Variants in NEK8 observed in about 807,000 individuals in gnomAD.
The protein encoded by NEK8 is serine/threonine-protein kinase Nek8.
In NEK8, 51 loss-of-function variants were observed where a neutral mutation model predicts 77.2. That is an observed-to-expected ratio of 0.66 (90% CI 0.53 to 0.83). The LOEUF (loss-of-function observed/expected upper bound fraction) is 0.83, where lower values mean the gene tolerates loss of function less well. Ranked by LOEUF, NEK8 falls within the 40% of genes least tolerant of loss-of-function variation. The probability of loss-of-function intolerance (pLI) is 0.00; values close to 1 mark genes in which losing one functional copy is unlikely to be tolerated. For synonymous variants in NEK8, 365 were observed against 363.2 expected, an observed-to-expected ratio of 1.00 and a Z score of -0.06; for missense variants, 787 against 909.2, an observed-to-expected ratio of 0.87 and a Z score of 1.73.
rs2034413701 is a variant in NEK8, at chr17:28,740,862, G to A, written c.1609G>A (p.Glu537Lys). 2 of 1,614,072 alleles carry A rather than the reference G, an allele frequency of 1.2e-6. No individual in the cohort carries two copies. Among genetic ancestry groups the A allele is most frequent in the Non-Finnish European group, 1.7e-6 (2 of 1,180,016 alleles). ...CCTGGACCACCTCTCCCTGGGGGAG[G>A]AGCCTGTCCCCCACCAGCAAGTGGA... ...LGLDHLSLGE[E>K]PVPHQQVEEA... Residue 537 changes from glutamate to lysine, a missense_variant, in exon 12 of 15, where the codon GAG becomes AAG. Transcript: ENST00000268766. This position sits in a 1 kb window ranked among gnomAD's most constrained non-coding sequence, Gnocchi z 4.7.
chr17:28,734,036 A>G lies in NEK8; in HGVS notation c.101A>G (p.Gln34Arg). ...KADQKLVIIK[Q>R]IPVEQMTKEE... ...GACCAGAAGCTGGTGATCATCAAGC[A>G]GATTCCAGTGGAACAGATGACCAAG... is the stretch of plus-strand genomic sequence containing the variant. The change falls in exon 2 of 15, where the codon CAG becomes CGG. Residue 34 changes from glutamine (Q) to arginine (R), a missense_variant. By Grantham distance (43) the Gln-to-Arg change is conservative. Around this residue, in one of 2 missense-constraint regions of NEK8, gnomAD observed 271 missense variants for 365.1 expected, o/e 0.74. Transcript: ENST00000268766. 1.2e-6 allele frequency: 2 copies of G among 1,614,270 alleles called. No homozygotes were observed. The highest frequency in any genetic ancestry group is 8.5e-7 in the Non-Finnish European group (1 of 1,180,044).
In NEK8 at chr17:28,737,728, G is replaced by T. The variant is rs762967348; in HGVS notation, c.881G>T (p.Arg294Leu). ...SNTGSRTTSV[R>L]CRGIPRGPVR... The stretch of plus-strand genomic sequence containing the variant: ...ACAGGGAGCAGGACCACCAGTGTCC[G>T]CTGCAGAGGTAAGTGGGAAGAGGCC... Residue 294 changes from arginine to leucine, a missense_variant, in exon 6 of 15, where the codon CGC becomes CTC. Physicochemically the swap from Arg to Leu is moderately radical, Grantham distance 102. Transcript: ENST00000268766. The surrounding 1 kb of genome is among the most constrained non-coding windows in gnomAD (Gnocchi z 4.8). 16 of 1,613,988 alleles carry T rather than the reference G, an allele frequency of 9.9e-6. No homozygotes were observed. The highest frequency in any genetic ancestry group is 1.7e-6 in the Non-Finnish European group (2 of 1,180,012).
At position 28,742,556 on chromosome 17, in the gene NEK8, A is replaced by C. The variant is rs2034435565; in HGVS notation, c.*569A>C. ...CGACAGAACCAGACTCCGTCTCAAA[A>C]AAAAAAAAAAAACAAAAAAGGCTGA... On this transcript the variant is annotated 3_prime_UTR_variant, in exon 15 of 15. Coordinates refer to ENST00000268766, the MANE Select transcript of NEK8 (RefSeq NM_178170.3). 6.1e-6 allele frequency: 1 copy of C among 163,638 alleles called. No homozygotes were observed. The highest frequency in any genetic ancestry group is 2.4e-5 in the African/African-American group (1 of 41,342). 10.1% of individuals were successfully genotyped at this position (163,638 alleles called of 1,614,324 possible).
chr17:28,740,976 G>A lies in NEK8; in HGVS notation c.1723G>A (p.Ala575Thr), dbSNP rs745898957. Reference sequence around the variant, plus strand: ...AGACCTGGGCACTGCTCACTCAGCTGCTGTGACTGGTGAGGAGGACTTGGG... The same window carrying A: ...AGACCTGGGCACTGCTCACTCAGCTACTGTGACTGGTGAGGAGGACTTGGG... ...SIDLGTAHSA[A>T]VTASGDCYTF... The change falls in exon 12 of 15, where the codon GCT becomes ACT. Residue 575 changes from alanine (A) to threonine (T), a missense_variant. Physicochemically the swap from Ala to Thr is moderately conservative, Grantham distance 58. Transcript: ENST00000268766. This position sits in a 1 kb window ranked among gnomAD's most constrained non-coding sequence, Gnocchi z 4.7. The A allele has an allele frequency of 6.2e-7, 1 of 1,614,154 alleles. No individual in the cohort carries two copies. The highest frequency in any genetic ancestry group is 8.5e-7 in the Non-Finnish European group (1 of 1,180,044).
At chr17:28,731,191 T>C (rs1326175705) in intron 1 of NEK8, among the ~76,000 whole-genome samples, 2 of 151,858 alleles carry the variant, frequency 1.3e-5, no homozygotes, top group African/African-American at 4.8e-5. Flanking sequence ...GAGCTGAGAC[T>C]GTGCCATTGC....
Position 28,740,951 on chromosome 17 carries a change from A to G in NEK8, c.1698A>G (p.Ile566Met), listed in dbSNP as rs1289510704. 1 of 1,614,130 alleles carries G rather than the reference A, an allele frequency of 6.2e-7. No homozygotes were observed. Among genetic ancestry groups the G allele is most frequent in the Non-Finnish European group, 8.5e-7 (1 of 1,180,016 alleles). ...APLDQEPLLS[I>M]DLGTAHSAAV... is the part of the protein sequence containing the mutation. ...TGGACCAGGAGCCTCTGCTGAGTAT[A>G]GACCTGGGCACTGCTCACTCAGCTG... The change falls in exon 12 of 15, where the codon ATA (isoleucine) becomes ATG (methionine). Residue 566 changes from isoleucine to methionine, a missense_variant. Ile to Met is a conservative substitution (Grantham distance 10, BLOSUM62 1). Around this residue, in one of 2 missense-constraint regions of NEK8, gnomAD observed 516 missense variants for 544.0 expected, o/e 0.95. Transcript: ENST00000268766. This position sits in a 1 kb window ranked among gnomAD's most constrained non-coding sequence, Gnocchi z 4.7.
rs2034381200 is a variant in NEK8, at chr17:28,737,850, C to G, written c.921C>G (p.Ile307Met). Residue 307 changes from isoleucine to methionine, a missense_variant, in exon 7 of 15, where the codon ATC becomes ATG. Ile to Met is a conservative substitution (Grantham distance 10, BLOSUM62 1). Coordinates refer to ENST00000268766, the MANE Select transcript of NEK8 (RefSeq NM_178170.3). The surrounding 1 kb of genome is among the most constrained non-coding windows in gnomAD (Gnocchi z 4.8). ...CCCGGGGACCTGTGAGGCCAGCCAT[C>G]CCACCACCACTGTCGTCAGTGTATG... ...GIPRGPVRPA[I>M]PPPLSSVYAW... The G allele has an allele frequency of 1.2e-6, 2 of 1,613,838 alleles. No homozygotes were observed. The highest frequency in any genetic ancestry group is 1.7e-6 in the Non-Finnish European group (2 of 1,180,022).
Position 28,737,174 on chromosome 17 carries a change from C to G in NEK8, c.619-132C>G. On this transcript the variant is annotated intron_variant, in intron 4 of 14. Transcript: ENST00000268766. This position sits in a 1 kb window ranked among gnomAD's most constrained non-coding sequence, Gnocchi z 4.8. The stretch of plus-strand genomic sequence containing the variant: ...TACCATGCTGTTTTGGTTACTGTAG[C>G]CTTGTAGTATAGTTTGAAGTCAGGT... 3.4e-6 allele frequency: 3 copies of G among 886,158 alleles called. No individual in the cohort carries two copies. Among genetic ancestry groups the G allele is most frequent in the South Asian group, 2.9e-5 (2 of 70,162 alleles). 54.9% of individuals were successfully genotyped at this position (886,158 alleles called of 1,614,324 possible).
Position 28,741,575 on chromosome 17 carries a change from A to C in NEK8, c.2050+4A>C, listed in dbSNP as rs2034423864. 6.2e-6 allele frequency: 10 copies of C among 1,613,830 alleles called. No homozygotes were observed. The highest frequency in any genetic ancestry group is 8.5e-6 in the Non-Finnish European group (10 of 1,180,008). On this transcript the variant is annotated splice_donor_region_variant and intron_variant, in intron 14 of 14. Coordinates refer to ENST00000268766, the MANE Select transcript of NEK8 (RefSeq NM_178170.3). The surrounding 1 kb of genome is among the most constrained non-coding windows in gnomAD (Gnocchi z 4.5). ...AACACCCTCCTGGCTGTTCGATGTG[A>C]GTTGTAACTTTTCCCACTTCACCAC...
At position 28,738,008 on chromosome 17, in the gene NEK8, G is replaced by A. The variant is rs569568989; in HGVS notation, c.1071+8G>A. 2 of 1,612,686 alleles carry A rather than the reference G, an allele frequency of 1.2e-6. No individual in the cohort carries two copies. Among genetic ancestry groups the A allele is most frequent in the South Asian group, 2.2e-5 (2 of 91,048 alleles). On this transcript the variant is annotated splice_region_variant and intron_variant, in intron 7 of 14. Coordinates refer to ENST00000268766, the MANE Select transcript of NEK8 (RefSeq NM_178170.3). ...CGTCTCATCCTGTGGGAGGTGAGCA[G>A]GCCAGGGGGTGGCCTGGATGGGTGG... is the stretch of plus-strand genomic sequence containing the variant.
chr17:28,732,061 G>C (rs1387769454), intron 1 of NEK8, among the ~76,000 whole-genome samples: 1 of 150,752 alleles, frequency 6.6e-6, no homozygotes, highest in Non-Finnish European at 1.5e-5. Flanking sequence ...CTCCCGAGTA[G>C]CTGGGACTAC....
rs555501870 is a variant in NEK8 at position 28,735,362 on chromosome 17, C to T, written c.609C>T (p.Phe203=). The T allele has an allele frequency of 2.3e-5, 37 of 1,613,672 alleles. No individual in the cohort carries two copies. The highest frequency in any genetic ancestry group is 9.3e-5 in the African/African-American group (7 of 75,054). The change falls in exon 4 of 15, where the codon TTC becomes TTT. Residue 203 remains phenylalanine, a synonymous_variant. Coordinates refer to ENST00000268766, the MANE Select transcript of NEK8 (RefSeq NM_178170.3). ...LYELASLKRA[F]EAANLPALVL... is the part of the protein sequence containing the mutation. ...AGCTGGCCAGCCTCAAGAGGGCTTTCGAGGCTGCGGTGAGTGTATGCACCC... is the reference window on the plus strand; with the variant it reads ...AGCTGGCCAGCCTCAAGAGGGCTTTTGAGGCTGCGGTGAGTGTATGCACCC...
intron 4 of NEK8, among the ~76,000 whole-genome samples, 177 bp downstream of exon 4, chr17:28,735,548 G>C (rs948436008): frequency 6.6e-6 from 1 of 152,070 alleles, no homozygotes; most frequent in African/African-American, 2.4e-5. Context: ...AGTAGGTCTT[G>C]CCTCCCATTA....
rs746446513 is a variant in NEK8, at chr17:28,737,511, G to A, written c.824G>A (p.Arg275Gln). 41 of 1,613,060 alleles carry A rather than the reference G, an allele frequency of 2.5e-5. No individual in the cohort carries two copies. Among genetic ancestry groups the A allele is most frequent in the South Asian group, 1.9e-4 (17 of 91,052 alleles). ...ACCGACGTGGGCAGTGTCCGCATGC[G>A]GAGGCCTGTGCAGGGACAGCGAGCG... ...LHTDVGSVRM[R>Q]RAEKSVAPSN... Residue 275 changes from arginine to glutamine, a missense_variant, in exon 5 of 15, where the codon CGG becomes CAG. Arg to Gln is a conservative substitution (Grantham distance 43, BLOSUM62 1). Coordinates refer to ENST00000268766, the MANE Select transcript of NEK8 (RefSeq NM_178170.3). This position sits in a 1 kb window ranked among gnomAD's most constrained non-coding sequence, Gnocchi z 4.8.
At position 28,739,139 on chromosome 17, in the gene NEK8, C is replaced by T; in HGVS notation, c.1355C>T (p.Ala452Val). 2 of 1,614,164 alleles carry T rather than the reference C, an allele frequency of 1.2e-6. No individual in the cohort carries two copies. Among genetic ancestry groups the T allele is most frequent in the Non-Finnish European group, 8.5e-7 (1 of 1,179,988 alleles). Residue 452 changes from alanine to valine, a missense_variant, in exon 10 of 15, where the codon GCC becomes GTC. Ala to Val is a moderately conservative substitution (Grantham distance 64, BLOSUM62 0). This residue lies in a region of NEK8 where 516 missense variants were observed against 544.0 expected (regional missense o/e 0.95). Coordinates refer to ENST00000268766, the MANE Select transcript of NEK8 (RefSeq NM_178170.3). ...GYEMVQVACGASHVLALSTER... is the reference protein window; with the variant it reads ...GYEMVQVACGVSHVLALSTER... ...GAAATGGTGCAGGTGGCCTGTGGGG[C>T]CTCTCACGTGCTGGCCCTGTCCACT...
At position 28,741,437 on chromosome 17, in the gene NEK8, A is replaced by C. The variant is rs765126806; in HGVS notation, c.1916A>C (p.Lys639Thr). Residue 639 changes from lysine (K) to threonine (T), a missense_variant, in exon 14 of 15, where the codon AAA (lysine) becomes ACA (threonine). This residue lies in a region of NEK8 where 516 missense variants were observed against 544.0 expected (regional missense o/e 0.95). Transcript: ENST00000268766. The surrounding 1 kb of genome is among the most constrained non-coding windows in gnomAD (Gnocchi z 4.5). ...GAESEVYSWG[K>T]GARGRLGRRD... ...GAGAGCGAAGTGTACTCTTGGGGCAAAGGGGCGCGAGGTCGATTGGGAAGG... is the reference window on the plus strand; with the variant it reads ...GAGAGCGAAGTGTACTCTTGGGGCACAGGGGCGCGAGGTCGATTGGGAAGG... 3 of 1,614,070 alleles carry C rather than the reference A, an allele frequency of 1.9e-6. No individual in the cohort carries two copies. In the Admixed American group the frequency reaches 5.0e-5, roughly 27 times the overall value.
intron 1 of NEK8, among the ~76,000 whole-genome samples, chr17:28,732,545 CTT>C (rs1054257308): frequency 0.069 from 5,338 of 77,382 alleles, 25 homozygotes; most frequent in Middle Eastern, 0.12. Flanking sequence ...TTTTTCTTTT[CTT>C]TTTTTTTTTT....
chr17:28,740,650 C>T lies in NEK8; in HGVS notation c.1568+37C>T, dbSNP rs748105430. 1.7e-5 allele frequency: 28 copies of T among 1,611,978 alleles called. No individual in the cohort carries two copies. The highest frequency in any genetic ancestry group is 2.3e-5 in the Non-Finnish European group (27 of 1,178,224). On this transcript the variant is annotated intron_variant, in intron 11 of 14. Coordinates refer to ENST00000268766, the MANE Select transcript of NEK8 (RefSeq NM_178170.3). The surrounding 1 kb of genome is among the most constrained non-coding windows in gnomAD (Gnocchi z 4.7). ...ATCAGGATGACTAACCTGCCCCTGG[C>T]TCTCCTTGGCTGCAAGTGCTCCGTC...
intron 1 of NEK8, among the ~76,000 whole-genome samples, chr17:28,729,392 G>A (rs1023654536): frequency 2.6e-5 from 4 of 152,258 alleles, no homozygotes; most frequent in Admixed American, 6.5e-5. Flanking sequence ...GTCTCCCTCT[G>A]TCACCCCGGC....
Sources: allele counts gnomAD v4.1 joint callset (sites outside exome capture counted in the v4.1 genomes callset), GRCh38; gene constraint gnomAD v4.1.1; regional missense constraint gnomAD v4.1.1; non-coding constraint Gnocchi (gnomAD v3.1); transcripts MANE v1.5; gene names NCBI Gene and HGNC (gene_info 2026-07-23, HGNC 2026-07-21).